Variants in CD99 observed in about 807,000 individuals in gnomAD.
CD99 encodes the protein CD99 antigen.
CD99 carries 19 observed loss-of-function variants against 28.4 expected under a neutral mutation model. The ratio of observed to expected loss-of-function variants is 0.67; its 90% CI spans 0.47 to 0.98. The LOEUF (loss-of-function observed/expected upper bound fraction) is 0.98. Ranked by LOEUF, CD99 falls within the 50% of genes least tolerant of loss-of-function variation. CD99 has a pLI of 0.00. For missense variants in CD99, 283 were observed against 248.8 expected (o/e 1.14, Z -0.92); for synonymous variants, 103 against 92.1 (o/e 1.12, Z -0.67).
rs1162879641 is a variant in CD99 at position 2,735,749 on chromosome X, T to C, written c.476-2451T>C. Among the ~76,000 whole-genome samples, 6 of 152,334 alleles carry C rather than the reference T, an allele frequency of 3.9e-5. No homozygotes were observed. In the South Asian group the frequency reaches 6.2e-4, roughly 16 times the overall value. On this transcript the variant is annotated intron_variant, in intron 8 of 9. Coordinates refer to ENST00000381192, the MANE Select transcript of CD99 (RefSeq NM_002414.5). ...ATTTGTGGTGAACATTTTCGGATCA[T>C]TTCGAATGTTCTTCTCTTCAGGGGG...
intron 9 of CD99, among the ~76,000 whole-genome samples, chrX:2,739,018 G>A (rs758797136): frequency 6.6e-6 from 1 of 151,800 alleles, no homozygotes; most frequent in East Asian, 2.0e-4. Flanking sequence ...CGGCTGATTT[G>A]TTGTTGTTTT....
At position 2,691,401 on chromosome X, in the gene CD99, T is replaced by C; in HGVS notation, c.41T>C (p.Leu14Pro). The C allele has an allele frequency of 6.3e-7, 1 of 1,585,080 alleles. No homozygotes were observed. Among genetic ancestry groups the C allele is most frequent in the South Asian group, 1.1e-5 (1 of 89,138 alleles). ...GCGCTGGCGCTGCTGCTCTTCGGCC[T>C]GCTGGGTGTTCTGGTCGCCGCCCCG... ...GAALALLLFGLLGVLVAAPDG... is the reference protein window; with the variant it reads ...GAALALLLFGPLGVLVAAPDG... The change falls in exon 1 of 10, where the codon CTG becomes CCG. Residue 14 changes from leucine to proline, a missense_variant. Coordinates refer to ENST00000381192, the MANE Select transcript of CD99 (RefSeq NM_002414.5).
intron 1 of CD99, among the ~76,000 whole-genome samples, chrX:2,711,916 C>A (rs1379971320): frequency 2.0e-5 from 3 of 152,024 alleles, no homozygotes; most frequent in Admixed American, 6.6e-5. Flanking sequence ...TGGGCGGGCG[C>A]CTATAGTCCC....
intron 8 of CD99, among the ~76,000 whole-genome samples, chrX:2,736,523 G>A (rs1238414806): frequency 6.6e-6 from 1 of 151,962 alleles, no homozygotes; most frequent in Non-Finnish European, 1.5e-5. Context: ...ACTTGACCCT[G>A]TTTGCATTGC....
chrX:2,729,235 G>C (rs1393840023), intron 8 of CD99, among the ~76,000 whole-genome samples: 1 of 152,146 alleles, frequency 6.6e-6, no homozygotes, highest in Non-Finnish European at 1.5e-5. Flanking sequence ...ACCCAAATTG[G>C]ATTCATGAGT....
At chrX:2,735,468 C>G (rs1323823099) in intron 8 of CD99, among the ~76,000 whole-genome samples, 1 of 152,112 alleles carries the variant, frequency 6.6e-6, no homozygotes, top group Non-Finnish European at 1.5e-5. Context: ...GAACTGTTGC[C>G]CCAGATGGAC....
intron 1 of CD99, among the ~76,000 whole-genome samples, chrX:2,694,110 T>G (rs1290732919): frequency 6.6e-6 from 1 of 152,124 alleles, no homozygotes; most frequent in Non-Finnish European, 1.5e-5. Flanking sequence ...ACACATCCGA[T>G]GCATCCCTGC....
intron 8 of CD99, among the ~76,000 whole-genome samples, chrX:2,732,071 A>T (rs2049640574): frequency 6.6e-6 from 1 of 152,030 alleles, no homozygotes; most frequent in Non-Finnish European, 1.5e-5. Context: ...TTTAATGGCA[A>T]AAACCACAAT....
chrX:2,736,706 A>C (rs1171503117), intron 8 of CD99, among the ~76,000 whole-genome samples: 1 of 151,772 alleles, frequency 6.6e-6, no homozygotes, highest in Non-Finnish European at 1.5e-5. Context: ...AAATACAAAA[A>C]ATTAGCCAGG....
chrX:2,717,887 TG>T lies in CD99; in HGVS notation c.148+236del, dbSNP rs2048805834. The T allele has an allele frequency of 1.2e-4, 71 of 571,886 alleles. 1 individual carries two copies. In the South Asian group the frequency reaches 1.7e-3, roughly 14 times the overall value. 35.4% of individuals were successfully genotyped at this position (571,886 alleles called of 1,614,324 possible). A position where few individuals can be genotyped will look rare whatever the true frequency, so the allele number is the denominator to read the frequency against. Reference sequence around the variant, plus strand: ...CGGGGCCATTTGGACAACATCTCTGTGTGCTTTTATTCTAAGGGTCTGAGTT... The same window carrying T: ...CGGGGCCATTTGGACAACATCTCTGTTGCTTTTATTCTAAGGGTCTGAGTT... On this transcript the variant is annotated intron_variant, in intron 3 of 9. Transcript: ENST00000381192.
At chrX:2,718,729 G>C (rs1394862493) in intron 3 of CD99, among the ~76,000 whole-genome samples, 2 of 152,182 alleles carry the variant, frequency 1.3e-5, no homozygotes, top group African/African-American at 4.8e-5. Context: ...AATTGCCCAA[G>C]GGTCAACCCC....
intron 8 of CD99, among the ~76,000 whole-genome samples, chrX:2,730,317 C>T (rs2049531325): frequency 6.6e-6 from 1 of 151,680 alleles, no homozygotes; most frequent in African/African-American, 2.4e-5. Context: ...GGACTACAGG[C>T]GCGTGCCACC....
intron 5 of CD99, among the ~76,000 whole-genome samples, chrX:2,721,264 T>C (rs1031474458): frequency 1.3e-5 from 2 of 152,060 alleles, no homozygotes; most frequent in African/African-American, 4.8e-5. Context: ...GATGGCTATT[T>C]GTGCTAGTAT....
intron 8 of CD99, among the ~76,000 whole-genome samples, chrX:2,732,902 CTTCTTTCCTTCCT>C (rs956685064): frequency 1.7e-4 from 25 of 144,138 alleles, no homozygotes; most frequent in African/African-American, 6.0e-4. Context: ...CCCTCCTTCC[CTTCTTTCCTTCCT>C]TCCTTCCCTT....
rs774911227 is a variant in CD99, at chrX:2,716,016, ATT to A, written c.101-1572_101-1571del. Among the ~76,000 whole-genome samples the A allele has an allele frequency of 9.8e-3, 1,266 of 129,144 alleles. 18 individuals are homozygous for A. The highest frequency in any genetic ancestry group is 0.034 in the African/African-American group (1,195 of 35,624). The allele number at this position is 129,144 out of a possible 152,430, so 84.7% of individuals were successfully genotyped here. Reference sequence around the variant, plus strand: ...TTTTCAACCCAGGACAGCCCTCTTCATTTTTTTTTTTTTTTTTTCCGAGATGG... The same window carrying A: ...TTTTCAACCCAGGACAGCCCTCTTCATTTTTTTTTTTTTTTTCCGAGATGG... On this transcript the variant is annotated intron_variant, in intron 2 of 9. Transcript: ENST00000381192.
intron 8 of CD99, chrX:2,737,894 G>GT: frequency 3.6e-6 from 2 of 555,284 alleles, no homozygotes; most frequent in Non-Finnish European, 6.6e-6. Flanking sequence ...GAGCTTCCAT[G>GT]TGCGTGTTCC....
At chrX:2,720,236 C>T in intron 4 of CD99, 120 bp from the exon 5 acceptor site, 1 of 822,844 alleles carries the variant, frequency 1.2e-6, no homozygotes, top group Admixed American at 1.8e-5. Context: ...TACAGGTATC[C>T]CCACCAGGAC....
chrX:2,714,390 G>A (rs768879051), intron 1 of CD99, 32 bp from the exon 2 acceptor site: 1 of 1,507,778 alleles, frequency 6.6e-7, no homozygotes, highest in South Asian at 1.2e-5. Context: ...TATTTTTCTT[G>A]TTTCTAAGTT....
chrX:2,735,971 G>A (rs1306624954), intron 8 of CD99, among the ~76,000 whole-genome samples: 1 of 152,062 alleles, frequency 6.6e-6, no homozygotes, highest in Admixed American at 6.6e-5. Context: ...GGGAGGCCGA[G>A]GTGGGCAGAT....
Sources: gnomAD v4.1 joint callset for allele counts (sites outside exome capture counted in the v4.1 genomes callset) on GRCh38, gnomAD v4.1.1 for gene constraint, MANE v1.5 for transcripts, NCBI Gene and HGNC (gene_info 2026-07-23, HGNC 2026-07-21) for gene names.